CUL9: variants seen among roughly 807,000 people sequenced by gnomAD.
CUL9 encodes cullin-9.
CUL9 carries 79 observed loss-of-function variants against 272.6 expected under a neutral mutation model. The ratio of observed to expected loss-of-function variants is 0.29; its 90% CI spans 0.24 to 0.35. The LOEUF (loss-of-function observed/expected upper bound fraction) is 0.35, where lower values mean the gene tolerates loss of function less well. Ranked by LOEUF, CUL9 falls within the 10% of genes least tolerant of loss-of-function variation. The pLI is 1.00. For synonymous variants in CUL9, 1,186 were observed against 1,286.5 expected (o/e 0.92, Z 1.67); for missense variants, 2,532 against 3,255.6 (o/e 0.78, Z 5.41).
intron 1 of CUL9, among the ~76,000 whole-genome samples, chr6:43,183,401 G>A (rs1772597462): frequency 1.3e-5 from 2 of 152,040 alleles, no homozygotes; most frequent in Non-Finnish European, 2.9e-5. Flanking sequence ...CCAGCCTTTT[G>A]TCATCTCCAT....
At position 43,213,239 on chromosome 6, in the gene CUL9, T is replaced by C. The variant is rs1198170537; in HGVS notation, c.5303T>C (p.Ile1768Thr). ...GRAELQFGKQILHVSTVQMWL... is the reference protein window; with the variant it reads ...GRAELQFGKQTLHVSTVQMWL... ...GCTGAGCTGCAGTTTGGGAAGCAGATACTGCATGTGTCCACCGTGCAGATG... is the reference window on the plus strand; with the variant it reads ...GCTGAGCTGCAGTTTGGGAAGCAGACACTGCATGTGTCCACCGTGCAGATG... The change falls in exon 27 of 41, where the codon ATA becomes ACA. Residue 1768 changes from isoleucine (I) to threonine (T), a missense_variant. By Grantham distance (89) the Ile-to-Thr change is moderately conservative. Around this residue, in one of 3 missense-constraint regions of CUL9, gnomAD observed 2,218 missense variants for 2,788.6 expected, o/e 0.80. Transcript: ENST00000252050. The surrounding 1 kb of genome is among the most constrained non-coding windows in gnomAD (Gnocchi z 5.7). 6.2e-7 allele frequency: 1 copy of C among 1,612,640 alleles called. No individual in the cohort carries two copies. Among genetic ancestry groups the C allele is most frequent in the South Asian group, 1.1e-5 (1 of 90,968 alleles).
chr6:43,222,862 G>A lies in CUL9; in HGVS notation c.7116G>A (p.Leu2372=). 1.2e-6 allele frequency: 2 copies of A among 1,613,888 alleles called. No homozygotes were observed. Among genetic ancestry groups the A allele is most frequent in the Non-Finnish European group, 1.7e-6 (2 of 1,179,894 alleles). ...MDVVEQQTEN[L]ELHTNALQIL... Reference sequence around the variant, plus strand: ...TGGTGGAGCAGCAGACAGAGAACCTGGAGCTGCACACCAATGCCCTGCAGA... The same window carrying A: ...TGGTGGAGCAGCAGACAGAGAACCTAGAGCTGCACACCAATGCCCTGCAGA... Residue 2372 remains leucine, a synonymous_variant, in exon 38 of 41, where the codon CTG becomes CTA. Transcript: ENST00000252050.
In CUL9 at chr6:43,186,588, T is replaced by C. The variant is rs962608572; in HGVS notation, c.1251+133T>C. 7 of 1,324,034 alleles carry C rather than the reference T, an allele frequency of 5.3e-6. No individual in the cohort carries two copies. The African/African-American group carries it at 1.0e-4, about 20-fold the overall frequency. 82.0% of individuals were successfully genotyped at this position (1,324,034 alleles called of 1,614,324 possible). A position where few individuals can be genotyped will look rare whatever the true frequency, so the allele number is the denominator to read the frequency against. On this transcript the variant is annotated intron_variant, in intron 4 of 40. Transcript: ENST00000252050. ...GGGGAATTGGAATGATACAAGGGGGTTGGCATTTGTGCGGGGTGCATTTGG... is the reference window on the plus strand; with the variant it reads ...GGGGAATTGGAATGATACAAGGGGGCTGGCATTTGTGCGGGGTGCATTTGG...
rs1312551129 is a variant in CUL9, at chr6:43,184,997, A to G, written c.595+92A>G. On this transcript the variant is annotated intron_variant, in intron 2 of 40. Coordinates refer to ENST00000252050, the MANE Select transcript of CUL9 (RefSeq NM_015089.4). This position sits in a 1 kb window ranked among gnomAD's most constrained non-coding sequence, Gnocchi z 4.8. Reference sequence around the variant, plus strand: ...AGAGATTTCCTAGCTCTGTAAGAACACCTAGTATTTGGTGAATATCAATTT... The same window carrying G: ...AGAGATTTCCTAGCTCTGTAAGAACGCCTAGTATTTGGTGAATATCAATTT... 6.2e-6 allele frequency: 6 copies of G among 971,818 alleles called. No homozygotes were observed. The highest frequency in any genetic ancestry group is 8.9e-6 in the Non-Finnish European group (6 of 672,082). 60.2% of individuals were successfully genotyped at this position (971,818 alleles called of 1,614,324 possible). A position where few individuals can be genotyped will look rare whatever the true frequency, so the allele number is the denominator to read the frequency against.
Position 43,205,315 on chromosome 6 carries a change from T to C in CUL9, c.4685T>C (p.Ile1562Thr), listed in dbSNP as rs1425840783. The change falls in exon 24 of 41, where the codon ATT becomes ACT. Residue 1562 changes from isoleucine to threonine, a missense_variant. Around this residue, in one of 3 missense-constraint regions of CUL9, gnomAD observed 2,218 missense variants for 2,788.6 expected, o/e 0.80. Coordinates refer to ENST00000252050, the MANE Select transcript of CUL9 (RefSeq NM_015089.4). ...GACCAACAGATCCAGGGTGGCCTGA[T>C]TGGTGGAGCCCCTGGAGTGGAAATG... ...YIDQQIQGGL[I>T]GGAPGVEMLG... 8 of 1,614,190 alleles carry C rather than the reference T, an allele frequency of 5.0e-6. No homozygotes were observed. The highest frequency in any genetic ancestry group is 2.2e-5 in the East Asian group (1 of 44,884).
rs2150583046 is a variant in CUL9, at chr6:43,203,744, A to G, written c.4026-110A>G. 5.3e-6 allele frequency: 8 copies of G among 1,517,890 alleles called. No individual in the cohort carries two copies. The East Asian group carries it at 1.6e-4, about 30-fold the overall frequency. The allele number at this position is 1,517,890 out of a possible 1,614,324, so 94.0% of individuals were successfully genotyped here. A position where few individuals can be genotyped will look rare whatever the true frequency, so the allele number is the denominator to read the frequency against. ...GTGAGAAGTTTGTGTTAATTGGGAA[A>G]AGTTGGGTCAGGGACCGAACAGGGG... is the stretch of plus-strand genomic sequence containing the variant. On this transcript the variant is annotated intron_variant, in intron 19 of 40. Transcript: ENST00000252050. The surrounding 1 kb of genome is among the most constrained non-coding windows in gnomAD (Gnocchi z 5.0).
At chr6:43,202,905 G>T in intron 17 of CUL9, 84 bp downstream of exon 17, 1 of 1,384,888 alleles carries the variant, frequency 7.2e-7, no homozygotes, top group Non-Finnish European at 1.0e-6. Flanking sequence ...AGTCCCTGGG[G>T]AATGGTGACA....
Position 43,222,624 on chromosome 6 carries a change from C to G in CUL9, c.7015C>G (p.Leu2339Val). The change falls in exon 37 of 41, where the codon CTG becomes GTG. Residue 2339 changes from leucine (L) to valine (V), a missense_variant. Leu to Val is a conservative substitution (Grantham distance 32). Transcript: ENST00000252050. The stretch of plus-strand genomic sequence containing the variant: ...CTTCCTCAATGATGCCTGCCAGGGA[C>G]TGGAGCAGGCTCGGAAGGTGGTAGC... ...FTFLNDACQG[L>V]EQARKVLAYA... 6 of 1,612,442 alleles carry G rather than the reference C, an allele frequency of 3.7e-6. No homozygotes were observed. Among genetic ancestry groups the G allele is most frequent in the Non-Finnish European group, 5.1e-6 (6 of 1,179,998 alleles).
At chr6:43,186,856 G>A (rs1249432518) in intron 4 of CUL9, 104 bp from the exon 5 acceptor site, 28 of 1,385,808 alleles carry the variant, frequency 2.0e-5, no homozygotes, top group Admixed American at 4.3e-5. Context: ...CTGAGGGTGC[G>A]CCCCAGATCT....
intron 1 of CUL9, among the ~76,000 whole-genome samples, chr6:43,183,080 A>G (rs1772564272): frequency 6.6e-6 from 1 of 152,240 alleles, no homozygotes; most frequent in Non-Finnish European, 1.5e-5. Context: ...AGAGGAAACA[A>G]GCTCAGAGGT....
intron 8 of CUL9, among the ~76,000 whole-genome samples, chr6:43,189,258 C>T (rs949562308): frequency 1.3e-5 from 2 of 151,804 alleles, no homozygotes; most frequent in African/African-American, 4.8e-5. Flanking sequence ...GGCGCGATCT[C>T]GGCTCACTGC....
intron 31 of CUL9, among the ~76,000 whole-genome samples, chr6:43,218,000 T>A (rs1172395897): frequency 6.6e-6 from 1 of 152,040 alleles, no homozygotes; most frequent in Non-Finnish European, 1.5e-5. Context: ...CACTCAGAGG[T>A]GAAGTAATTT....
intron 11 of CUL9, chr6:43,198,367 G>A: frequency 1.0e-6 from 1 of 979,590 alleles, no homozygotes; most frequent in African/African-American, 1.7e-5. Context: ...GACTATAAGA[G>A]ATTTAAAATG....
At chr6:43,202,625 C>T (rs1228704533) in intron 16 of CUL9, 91 bp from the exon 17 acceptor site, 1 of 1,072,502 alleles carries the variant, frequency 9.3e-7, no homozygotes, top group East Asian at 2.4e-5. Flanking sequence ...AAGCGATCCT[C>T]CCACCTCAGC....
rs1357402363 is a variant in CUL9 at position 43,188,048 on chromosome 6, T to C, written c.1917T>C (p.Ser639=). Residue 639 remains serine (S), a synonymous_variant, in exon 7 of 41, where the codon TCT becomes TCC. Coordinates refer to ENST00000252050, the MANE Select transcript of CUL9 (RefSeq NM_015089.4). ...RTETPMAQSD[S]QLFNQLLVTE... ...AGACCCCCATGGCACAGAGTGATTCTCAGCTGTTTAACCAGCTTCTGGTGA... is the reference window on the plus strand; with the variant it reads ...AGACCCCCATGGCACAGAGTGATTCCCAGCTGTTTAACCAGCTTCTGGTGA... 1 of 1,613,486 alleles carries C rather than the reference T, an allele frequency of 6.2e-7. No individual in the cohort carries two copies. The highest frequency in any genetic ancestry group is 1.1e-5 in the South Asian group (1 of 91,052).
Position 43,199,867 on chromosome 6 carries a change from T to A in CUL9, c.3157-62T>A. 1 of 1,359,766 alleles carries A rather than the reference T, an allele frequency of 7.4e-7. No homozygotes were observed. Among genetic ancestry groups the A allele is most frequent in the Non-Finnish European group, 1.1e-6 (1 of 952,272 alleles). 84.2% of individuals were successfully genotyped at this position (1,359,766 alleles called of 1,614,324 possible). On this transcript the variant is annotated intron_variant, in intron 13 of 40. Transcript: ENST00000252050. The surrounding 1 kb of genome is among the most constrained non-coding windows in gnomAD (Gnocchi z 4.4). ...ACACTTCCTTTACTGAACCCTCTCC[T>A]CAATCCTTACATGTCCTACCTCTTG...
intron 9 of CUL9, among the ~76,000 whole-genome samples, chr6:43,195,605 A>C (rs191379530): frequency 6.6e-6 from 1 of 152,300 alleles, no homozygotes; most frequent in Admixed American, 6.5e-5. Flanking sequence ...GTAGGAGAAA[A>C]GCCAGGAGGA....
At chr6:43,191,062 T>G (rs1190189770) in intron 8 of CUL9, among the ~76,000 whole-genome samples, 1 of 152,212 alleles carries the variant, frequency 6.6e-6, no homozygotes, top group Non-Finnish European at 1.5e-5. Flanking sequence ...AGATTTTGTG[T>G]CCTACTTAAA....
Position 43,206,627 on chromosome 6 carries a change from G to T in CUL9, c.5212+117G>T, listed in dbSNP as rs755706933. The T allele has an allele frequency of 1.7e-5, 14 of 843,798 alleles. No individual in the cohort carries two copies. In the East Asian group the frequency reaches 3.6e-4, roughly 21 times the overall value. 52.3% of individuals were successfully genotyped at this position (843,798 alleles called of 1,614,324 possible). ...GTGAAGAAAAATATCAGCTCCTAGC[G>T]AGGGATGAGAAAGCATGGGTTGTAG... On this transcript the variant is annotated intron_variant, in intron 26 of 40. Transcript: ENST00000252050. This position sits in a 1 kb window ranked among gnomAD's most constrained non-coding sequence, Gnocchi z 4.8.
Sources: allele counts gnomAD v4.1 joint callset (sites outside exome capture counted in the v4.1 genomes callset), GRCh38; gene constraint gnomAD v4.1.1; regional missense constraint gnomAD v4.1.1; non-coding constraint Gnocchi (gnomAD v3.1); transcripts MANE v1.5; gene names NCBI Gene and HGNC (gene_info 2026-07-23, HGNC 2026-07-21).